Variants in SLC24A2 observed in about 807,000 individuals in gnomAD.
SLC24A2 encodes sodium/potassium/calcium exchanger 2.
Under a neutral mutation model 62.0 loss-of-function variants are expected in SLC24A2, and 36 were observed. The observed-to-expected ratio is 0.58, with a 90% confidence interval of 0.44 to 0.77. SLC24A2 has a LOEUF of 0.77. Ranked by LOEUF, SLC24A2 falls within the 30% of genes least tolerant of loss-of-function variation. The pLI is 0.00. For missense variants in SLC24A2, 846 were observed against 817.9 expected (o/e 1.03, Z -0.42); for synonymous variants, 358 against 294.0 (o/e 1.22, Z -2.23).
At chr9:19,743,448 G>T (rs1274538554) in intron 2 of SLC24A2, among the ~76,000 whole-genome samples, 1 of 152,130 alleles carries the variant, frequency 6.6e-6, no homozygotes, top group Non-Finnish European at 1.5e-5. Flanking sequence ...TTTGAAGAAT[G>T]AATGTTCTTT....
the SLC24A2 span, among the ~76,000 whole-genome samples, chr9:20,027,377 T>C: frequency 6.6e-6 from 1 of 152,120 alleles, no homozygotes; most frequent in African/African-American, 2.4e-5. Context: ...TTATTCACAA[T>C]AGCCAAAATA....
the SLC24A2 span, among the ~76,000 whole-genome samples, chr9:19,840,454 C>G: frequency 6.6e-6 from 1 of 152,154 alleles, no homozygotes; most frequent in African/African-American, 2.4e-5. Context: ...TTTCCCTATT[C>G]AGCTATACAG....
At chr9:19,847,499 T>C in the SLC24A2 span, among the ~76,000 whole-genome samples, 1 of 152,220 alleles carries the variant, frequency 6.6e-6, no homozygotes, top group Admixed American at 6.5e-5. Flanking sequence ...TGGGTTATTA[T>C]TCTCTTTTAA....
chr9:20,086,800 G>A, the SLC24A2 span, among the ~76,000 whole-genome samples: 94 of 152,220 alleles, frequency 6.2e-4, no homozygotes, highest in African/African-American at 8.9e-4. Flanking sequence ...GTTCCTGCCC[G>A]TGAGAACCTT....
chr9:20,231,378 C>G, the SLC24A2 span, among the ~76,000 whole-genome samples: 1 of 152,124 alleles, frequency 6.6e-6, no homozygotes, highest in East Asian at 1.9e-4. Flanking sequence ...ATGGAATGTT[C>G]TTCCATTTGT....
At chr9:20,192,352 C>A in the SLC24A2 span, among the ~76,000 whole-genome samples, 8 of 151,432 alleles carry the variant, frequency 5.3e-5, no homozygotes, top group East Asian at 1.2e-3. Flanking sequence ...CAAGGGGCAG[C>A]CAGTGAATGT....
rs1235651504 is a variant in SLC24A2 at position 19,509,895 on chromosome 9, G to A, written c.*6258C>T. The stretch of plus-strand genomic sequence containing the variant: ...ATCCTTTTGGTGAACCCTGGCCCAT[G>A]AGATCAATCAGTAGCTTTACAAATC... On this transcript the variant is annotated 3_prime_UTR_variant, in exon 11 of 11. Coordinates refer to ENST00000341998, the MANE Select transcript of SLC24A2 (RefSeq NM_020344.4). The A allele has an allele frequency of 6.6e-6, 1 of 152,036 alleles. No individual in the cohort carries two copies. The highest frequency in any genetic ancestry group is 2.1e-4 in the South Asian group (1 of 4,824). The allele number at this position is 152,036 out of a possible 1,614,324, so 9.4% of individuals were successfully genotyped here. A position where few individuals can be genotyped will look rare whatever the true frequency, so the allele number is the denominator to read the frequency against.
intron 2 of SLC24A2, among the ~76,000 whole-genome samples, chr9:19,767,186 C>T (rs1822542501): frequency 6.6e-6 from 1 of 152,168 alleles, no homozygotes; most frequent in Non-Finnish European, 1.5e-5. Context: ...GACTGCTGTG[C>T]TGGTAGCGAG....
chr9:19,587,975 A>G (rs1286385209), intron 5 of SLC24A2, among the ~76,000 whole-genome samples: 1 of 152,202 alleles, frequency 6.6e-6, no homozygotes, highest in Non-Finnish European at 1.5e-5. Flanking sequence ...CCTGGTTTTC[A>G]GGAAGACTGT....
rs769283234 is a variant in SLC24A2, at chr9:19,619,624, G to A, written c.1038C>T (p.Ile346=). The A allele has an allele frequency of 1.2e-6, 2 of 1,614,040 alleles. No individual in the cohort carries two copies. The highest frequency in any genetic ancestry group is 1.3e-5 in the African/African-American group (1 of 75,054). ...CAAGGGTGTGTATCATGAGTTGGAA[G>A]ATGCTATTCCTCATGAGACTGTTGT... ...SLHNSLMRNS[I]FQLMIHTLDP... Residue 346 remains isoleucine (I), a synonymous_variant, in exon 4 of 11, where the codon ATC becomes ATT. Transcript: ENST00000341998.
At chr9:19,996,084 G>C in the SLC24A2 span, among the ~76,000 whole-genome samples, 1 of 152,230 alleles carries the variant, frequency 6.6e-6, no homozygotes, top group Non-Finnish European at 1.5e-5. Flanking sequence ...AAAGATGCTT[G>C]TAACTGTGCA....
intron 6 of SLC24A2, among the ~76,000 whole-genome samples, chr9:19,575,831 T>C (rs1835994290): frequency 6.6e-6 from 1 of 152,224 alleles, no homozygotes; most frequent in Admixed American, 6.5e-5. Context: ...AAAAATAGCT[T>C]GTGTAGTTGA....
chr9:19,636,835 T>C (rs570719340), intron 2 of SLC24A2, among the ~76,000 whole-genome samples: 4 of 152,298 alleles, frequency 2.6e-5, no homozygotes, highest in African/African-American at 9.6e-5. Context: ...TACAAACTTT[T>C]AGGAGGCAGC....
the SLC24A2 span, among the ~76,000 whole-genome samples, chr9:20,086,870 G>A: frequency 6.6e-6 from 1 of 152,188 alleles, no homozygotes; most frequent in East Asian, 1.9e-4. Flanking sequence ...TTATATGCAT[G>A]AGCCTTGTCT....
chr9:20,238,907 C>G, the SLC24A2 span, among the ~76,000 whole-genome samples: 21 of 152,310 alleles, frequency 1.4e-4, no homozygotes, highest in African/African-American at 5.1e-4. Context: ...CCTTCTCTCC[C>G]TATTCCTGTC....
At chr9:20,230,195 C>G in the SLC24A2 span, among the ~76,000 whole-genome samples, 1 of 152,058 alleles carries the variant, frequency 6.6e-6, no homozygotes, top group Non-Finnish European at 1.5e-5. Flanking sequence ...TATAAACATA[C>G]GTGTGCATGT....
intron 2 of SLC24A2, among the ~76,000 whole-genome samples, chr9:19,718,571 A>G (rs1364050682): frequency 6.6e-6 from 1 of 150,996 alleles, no homozygotes; most frequent in Non-Finnish European, 1.5e-5. Flanking sequence ...TTGGCCTCAC[A>G]AAGTGTGGAG....
At chr9:19,541,254 T>C (rs1834237220) in intron 8 of SLC24A2, among the ~76,000 whole-genome samples, 1 of 149,012 alleles carries the variant, frequency 6.7e-6, no homozygotes, top group Non-Finnish European at 1.5e-5. Context: ...GGTGAGGAAC[T>C]GCGTTCCTTT....
At chr9:19,713,688 G>C (rs1820780528) in intron 2 of SLC24A2, among the ~76,000 whole-genome samples, 1 of 152,100 alleles carries the variant, frequency 6.6e-6, no homozygotes, top group Non-Finnish European at 1.5e-5. Context: ...GTTTTTATTA[G>C]CATTACTGAG....
Sources: gnomAD v4.1 joint callset for allele counts (sites outside exome capture counted in the v4.1 genomes callset) on GRCh38, gnomAD v4.1.1 for gene constraint, MANE v1.5 for transcripts, NCBI Gene and HGNC (gene_info 2026-07-23, HGNC 2026-07-21) for gene names.